The following CACNA1C variants were observed in gnomAD, a reference collection of about 807,000 sequenced individuals.
The protein encoded by CACNA1C is calcium voltage-gated channel subunit alpha1 C.
In CACNA1C, 30 loss-of-function variants were observed where a neutral mutation model predicts 229.0. That is an observed-to-expected ratio of 0.13 (90% CI 0.10 to 0.18). The LOEUF (loss-of-function observed/expected upper bound fraction) is 0.18. Among genes scored for constraint, CACNA1C ranks in the 10% least tolerant of loss-of-function variants. CACNA1C has a pLI of 1.00. For synonymous variants in CACNA1C, 1,114 were observed against 1,132.5 expected (o/e 0.98, Z 0.33); for missense variants, 1,658 against 2,845.0 (o/e 0.58, Z 9.49).
At chr12:2,027,847 C>A (rs1456195065) in intron 1 of CACNA1C, among the ~76,000 whole-genome samples, 2 of 152,160 alleles carry the variant, frequency 1.3e-5, no homozygotes, top group Non-Finnish European at 2.9e-5. Context: ...ATAAATAACC[C>A]AGCTTAGTAA....
chr12:2,650,142 A>C (rs1447471523), intron 31 of CACNA1C, among the ~76,000 whole-genome samples: 1 of 152,086 alleles, frequency 6.6e-6, no homozygotes, highest in Non-Finnish European at 1.5e-5. Context: ...AAATATAAGA[A>C]ATATTTTTGC....
Position 2,029,017 on chromosome 12 carries a change from G to A in CACNA1C, c.139+57816G>A, listed in dbSNP as rs534331419. ...GTGTTCTCTCATGTCTGTTAAAACCGTTCTCCCAGAGGTAGGAGGAGTAAT... is the reference window on the plus strand; with the variant it reads ...GTGTTCTCTCATGTCTGTTAAAACCATTCTCCCAGAGGTAGGAGGAGTAAT... On this transcript the variant is annotated intron_variant, in intron 1 of 46. Coordinates refer to the CACNA1C transcript ENST00000682462. The surrounding 1 kb of genome is among the most constrained non-coding windows in gnomAD (Gnocchi z 4.9). Among the ~76,000 whole-genome samples, 55 of 152,220 alleles carry A rather than the reference G, an allele frequency of 3.6e-4. No individual in the cohort carries two copies. The South Asian group carries it at 9.5e-3, about 26-fold the overall frequency.
chr12:2,471,549 G>A (rs1354703433), intron 5 of CACNA1C, among the ~76,000 whole-genome samples: 1 of 152,158 alleles, frequency 6.6e-6, no homozygotes, highest in South Asian at 2.1e-4. Flanking sequence ...ATCTGAACAT[G>A]TCTTTTGCCA....
At chr12:2,271,059 TTCC>T (rs1278587269) in intron 3 of CACNA1C, among the ~76,000 whole-genome samples, 1 of 152,206 alleles carries the variant, frequency 6.6e-6, no homozygotes, top group Non-Finnish European at 1.5e-5. Context: ...CAGCTGTCTC[TTCC>T]TCTTCTGAGT....
At chr12:2,661,272 CACACACAT>C (rs1251156931) in intron 34 of CACNA1C, among the ~76,000 whole-genome samples, 2,024 of 139,980 alleles carry the variant, frequency 0.014, 47 homozygotes, top group African/African-American at 0.055. Context: ...TAAACACATA[CACACACAT>C]ACACACACAC....
At position 2,608,521 on chromosome 12, in the gene CACNA1C, C is replaced by T. The variant is rs1057518445; in HGVS notation, c.3367C>T (p.Arg1123Cys). ...TGTCTCCTCCTGCAGGCTGCTGTAC[C>T]GCTCCATCGACTCCCACACGGAAGA... ...TFEGWPELLY[R>C]SIDSHTEDKG... The change falls in exon 27 of 47, where the codon CGC becomes TGC. Residue 1123 changes from arginine to cysteine, a missense_variant. Coordinates refer to ENST00000399655, the MANE Select transcript of CACNA1C (RefSeq NM_000719.7). The surrounding 1 kb of genome is among the most constrained non-coding windows in gnomAD (Gnocchi z 4.2). 4.3e-6 allele frequency: 7 copies of T among 1,609,474 alleles called. No homozygotes were observed. Among genetic ancestry groups the T allele is most frequent in the Non-Finnish European group, 5.9e-6 (7 of 1,177,736 alleles).
Position 2,459,161 on chromosome 12 carries a change from T to G in CACNA1C, c.757+1455T>G, listed in dbSNP as rs1308121721. Among the ~76,000 whole-genome samples, 5 of 110,064 alleles carry G rather than the reference T, an allele frequency of 4.5e-5. No homozygotes were observed. In the East Asian group the frequency reaches 9.0e-4, roughly 20 times the overall value. The allele number at this position is 110,064 out of a possible 152,430, so 72.2% of individuals were successfully genotyped here. A position where few individuals can be genotyped will look rare whatever the true frequency, so the allele number is the denominator to read the frequency against. The stretch of plus-strand genomic sequence containing the variant: ...CCATGCCCAGCTAATTTTTGTTTTT[T>G]TGTGTGTGTTTTTTTTTTTTTTTTT... On this transcript the variant is annotated intron_variant, in intron 5 of 46. Transcript: ENST00000399655.
chr12:2,251,008 G>C (rs991892307), intron 3 of CACNA1C, among the ~76,000 whole-genome samples: 5 of 152,198 alleles, frequency 3.3e-5, no homozygotes, highest in African/African-American at 1.2e-4. Context: ...GACGCAGAAG[G>C]AGGGACAGTG....
chr12:2,524,899 T>C (rs1057407858), intron 9 of CACNA1C, among the ~76,000 whole-genome samples: 3 of 152,214 alleles, frequency 2.0e-5, no homozygotes, highest in African/African-American at 7.2e-5. Context: ...CAGGACAGTG[T>C]TCCTGCTGCA....
chr12:2,481,916 C>G (rs1176767322), intron 5 of CACNA1C, among the ~76,000 whole-genome samples: 1 of 152,258 alleles, frequency 6.6e-6, no homozygotes, highest in Non-Finnish European at 1.5e-5. Flanking sequence ...AGCAGCCAGC[C>G]CTGAAGAAGG....
At chr12:2,074,771 A>T (rs1408711820) in intron 1 of CACNA1C, among the ~76,000 whole-genome samples, 1 of 152,226 alleles carries the variant, frequency 6.6e-6, no homozygotes. Flanking sequence ...AAAATAGCCC[A>T]TAGCCATCCA....
chr12:2,412,582 C>A (rs1338456767), intron 3 of CACNA1C, among the ~76,000 whole-genome samples: 1 of 152,198 alleles, frequency 6.6e-6, no homozygotes, highest in Non-Finnish European at 1.5e-5. Context: ...AGTAAGTTTG[C>A]CCTATCTCTG....
intron 7 of CACNA1C, among the ~76,000 whole-genome samples, chr12:2,494,890 C>T (rs138234881): frequency 2.0e-3 from 312 of 152,340 alleles, no homozygotes; most frequent in African/African-American, 7.1e-3. Flanking sequence ...CAAACATTTC[C>T]TGAGTGTCCT....
intron 3 of CACNA1C, among the ~76,000 whole-genome samples, chr12:2,404,122 A>G (rs7136865): frequency 0.19 from 28,695 of 152,082 alleles, 3,245 homozygotes; most frequent in African/African-American, 0.31. Flanking sequence ...GTGCCACACT[A>G]TGGAAAAGGT....
In CACNA1C at chr12:2,185,996, G is replaced by A. The variant is rs528023583; in HGVS notation, c.477+65566G>A. ...GGTTTTCTCAGCCAGGGCACGGATC[G>A]TTTCCTGGCCGCTCTCTGGCTCCTT... On this transcript the variant is annotated intron_variant, in intron 3 of 46. Coordinates refer to ENST00000399655, the MANE Select transcript of CACNA1C (RefSeq NM_000719.7). 2.6e-5 allele frequency among the ~76,000 whole-genome samples: 4 copies of A among 152,260 alleles called. No individual in the cohort carries two copies. The East Asian group carries it at 7.7e-4, about 29-fold the overall frequency.
At chr12:2,040,930 A>G (rs1383230762) in intron 1 of CACNA1C, among the ~76,000 whole-genome samples, 2 of 152,254 alleles carry the variant, frequency 1.3e-5, no homozygotes, top group African/African-American at 2.4e-5. Context: ...TACACAGCCA[A>G]GTGGTAATAG....
intron 3 of CACNA1C, among the ~76,000 whole-genome samples, chr12:2,242,172 A>C (rs1323429370): frequency 6.6e-6 from 1 of 152,092 alleles, no homozygotes. Flanking sequence ...CATTCCTGCC[A>C]CCCTATCTCC....
rs116669480 is a variant in CACNA1C at position 2,493,798 on chromosome 12, A to G, written c.1113+412A>G. Among the ~76,000 whole-genome samples, 1,162 of 152,354 alleles carry G rather than the reference A, an allele frequency of 7.6e-3. 15 individuals carry two copies. The highest frequency in any genetic ancestry group is 0.027 in the African/African-American group (1,117 of 41,590). Reference sequence around the variant, plus strand: ...CAGAATTATGTATTCTTAGGGCAGAAGAGAAGAAGTCCTGATCTTCTAAAA... The same window carrying G: ...CAGAATTATGTATTCTTAGGGCAGAGGAGAAGAAGTCCTGATCTTCTAAAA... On this transcript the variant is annotated intron_variant, in intron 7 of 46. Coordinates refer to ENST00000399655, the MANE Select transcript of CACNA1C (RefSeq NM_000719.7). This position sits in a 1 kb window ranked among gnomAD's most constrained non-coding sequence, Gnocchi z 4.6.
In CACNA1C at chr12:2,239,162, G is replaced by A. The variant is rs138153135; in HGVS notation, c.477+118732G>A. On this transcript the variant is annotated intron_variant, in intron 3 of 46. Transcript: ENST00000399655. Reference sequence around the variant, plus strand: ...GTGGGCAGGGCAAAAGGGAGGAGCCGTGAAGATAATCAGGAGGTCAGCGTT... The same window carrying A: ...GTGGGCAGGGCAAAAGGGAGGAGCCATGAAGATAATCAGGAGGTCAGCGTT... Among the ~76,000 whole-genome samples, 534 of 152,300 alleles carry A rather than the reference G, an allele frequency of 3.5e-3. 1 individual carries two copies. Among genetic ancestry groups the A allele is most frequent in the African/African-American group, 0.012 (483 of 41,556 alleles).
Sources: gnomAD v4.1 joint callset for allele counts (sites outside exome capture counted in the v4.1 genomes callset) on GRCh38, gnomAD v4.1.1 for gene constraint, Gnocchi (gnomAD v3.1) non-coding constraint, MANE v1.5 for transcripts, NCBI Gene and HGNC (gene_info 2026-07-23, HGNC 2026-07-21) for gene names.